The following TET2 variants were observed in gnomAD, a reference collection of about 807,000 sequenced individuals.
TET2 encodes tet methylcytosine dioxygenase 2.
Under a neutral mutation model 142.9 loss-of-function variants are expected in TET2, and 299 were observed. The ratio of observed to expected loss-of-function variants is 2.09; its 90% CI spans 1.90 to 2.30. The LOEUF (loss-of-function observed/expected upper bound fraction) is 2.30, where lower values mean the gene tolerates loss of function less well. Among genes scored for constraint, TET2 ranks in the 30% most tolerant of loss-of-function variants. The pLI, the probability that TET2 is intolerant of heterozygous loss-of-function variation, is 0.00. For missense variants in TET2, 2,418 were observed against 2,378.0 expected (o/e 1.02, Z -0.35); for synonymous variants, 819 against 849.0 (o/e 0.96, Z 0.61).
At position 105,275,339 on chromosome 4, in the gene TET2, ATTCT is replaced by A; in HGVS notation, c.4831_4834del (p.Ser1611LeufsTer4). 1 of 1,551,802 alleles carries A rather than the reference ATTCT, an allele frequency of 6.4e-7. No homozygotes were observed. The highest frequency in any genetic ancestry group is 8.7e-7 in the Non-Finnish European group (1 of 1,146,986). On this transcript the variant is annotated frameshift_variant, in exon 11 of 11. Coordinates refer to ENST00000380013, the MANE Select transcript of TET2 (RefSeq NM_001127208.3). LOFTEE classifies it low-confidence loss of function (END_TRUNC). ...TCTCAAGCTGCAGGTTCATATTTGAATTCTTCTAATCCCATGAACCCTTACCCTG... is the reference window on the plus strand; with the variant it reads ...TCTCAAGCTGCAGGTTCATATTTGAATCTAATCCCATGAACCCTTACCCTG...
At chr4:105,189,560 C>T (rs1008273009) in intron 1 of TET2, among the ~76,000 whole-genome samples, 3 of 152,158 alleles carry the variant, frequency 2.0e-5, no homozygotes, top group Admixed American at 6.5e-5. Flanking sequence ...CTCCCCATTC[C>T]TCTTTTCTCT....
At chr4:105,173,000 G>C (rs1326044097) in intron 1 of TET2, among the ~76,000 whole-genome samples, 3 of 152,048 alleles carry the variant, frequency 2.0e-5, no homozygotes, top group Admixed American at 1.3e-4. Context: ...AAGCAAATTA[G>C]TTTTATTTTT....
rs1731251658 is a variant in TET2, at chr4:105,276,846, C to CCT, written c.*328_*329insTC. On this transcript the variant is annotated 3_prime_UTR_variant, in exon 11 of 11. Transcript: ENST00000380013. The stretch of plus-strand genomic sequence containing the variant: ...ATGATATGTAAATGTGATCCCCCCC[C>CCT]CCCGCTTACAACTCTACACATCTGT... The CCT allele has an allele frequency of 4.6e-6, 1 of 215,324 alleles. No individual in the cohort carries two copies. The highest frequency in any genetic ancestry group is 5.8e-5 in the Admixed American group (1 of 17,318). 13.3% of individuals were successfully genotyped at this position (215,324 alleles called of 1,614,324 possible).
chr4:105,232,577 TAG>T (rs1258590035), intron 2 of TET2, among the ~76,000 whole-genome samples: 1 of 152,176 alleles, frequency 6.6e-6, no homozygotes, highest in African/African-American at 2.4e-5. Context: ...GAGGCAGGTT[TAG>T]AGTCATTGGG....
chr4:105,200,326 C>T (rs1487052118), intron 2 of TET2, among the ~76,000 whole-genome samples: 1 of 151,956 alleles, frequency 6.6e-6, no homozygotes, highest in Non-Finnish European at 1.5e-5. Context: ...GTTTGTTGGC[C>T]GCATGTATGT....
chr4:105,259,633 G>C lies in TET2; in HGVS notation c.3818G>C (p.Cys1273Ser). 1.3e-6 allele frequency: 2 copies of C among 1,550,924 alleles called. No individual in the cohort carries two copies. Among genetic ancestry groups the C allele is most frequent in the Non-Finnish European group, 1.7e-6 (2 of 1,146,412 alleles). Residue 1273 changes from cysteine (C) to serine (S), a missense_variant, in exon 7 of 11, where the codon TGT (cysteine) becomes TCT (serine). Physicochemically the swap from Cys to Ser is moderately radical, Grantham distance 112. Transcript: ENST00000380013. ...TGATTTTTCAGGAGAACTTGCGCCT[G>C]TCAGGGGCTGGATCCAGAAACCTGT... ...CALNEERTCA[C>S]QGLDPETCGA... is the part of the protein sequence containing the mutation.
intron 2 of TET2, among the ~76,000 whole-genome samples, chr4:105,224,799 G>A (rs1299545207): frequency 6.7e-6 from 1 of 148,594 alleles, no homozygotes; most frequent in Non-Finnish European, 1.5e-5. Flanking sequence ...ATTGTTGCAT[G>A]TTTCTATTTA....
chr4:105,244,715 C>G (rs578038657), intron 6 of TET2, among the ~76,000 whole-genome samples: 2 of 151,184 alleles, frequency 1.3e-5, no homozygotes, highest in Non-Finnish European at 2.9e-5. Context: ...CCTGCCTCAG[C>G]CTCCCTAGTA....
At chr4:105,226,077 C>CT (rs34407189) in intron 2 of TET2, among the ~76,000 whole-genome samples, 123,813 of 152,102 alleles carry the variant, frequency 0.81, 51,083 homozygotes, top group African/African-American at 0.94. Context: ...AGCCAAAATA[C>CT]TTGTTTTTTA....
Position 105,235,840 on chromosome 4 carries a change from TG to T in TET2, c.1899del (p.Met633IlefsTer6). Reference protein sequence around the residue: ...KTTQLEHKSQMYQVEMNQGQS... With the variant: ...KTTQLEHKSQXYQVEMNQGQS... ...ACACAGCTGGAGCACAAGTCACAAA[TG>T]TACCAAGTTGAAATGAATCAAGGGC... On this transcript the variant is annotated frameshift_variant, in exon 3 of 11. Transcript: ENST00000380013. LOFTEE classifies it high-confidence loss of function. The T allele has an allele frequency of 6.2e-7, 1 of 1,613,946 alleles. No homozygotes were observed. The highest frequency in any genetic ancestry group is 8.5e-7 in the Non-Finnish European group (1 of 1,179,960).
At chr4:105,191,344 C>G (rs1725775417) in intron 2 of TET2, among the ~76,000 whole-genome samples, 2 of 152,100 alleles carry the variant, frequency 1.3e-5, no homozygotes, top group Non-Finnish European at 2.9e-5. Flanking sequence ...CTCATATATG[C>G]ATGTATAGAA....
chr4:105,245,809 A>G (rs1436353997), intron 6 of TET2, among the ~76,000 whole-genome samples: 1 of 152,242 alleles, frequency 6.6e-6, no homozygotes, highest in Non-Finnish European at 1.5e-5. Context: ...AAAGCATAAT[A>G]TCTCTTAGAC....
At chr4:105,241,665 A>G in intron 4 of TET2, 1 of 1,282,460 alleles carries the variant, frequency 7.8e-7, no homozygotes, top group Non-Finnish European at 9.9e-7. Flanking sequence ...GATGGATGCC[A>G]GAAAACCCAG....
chr4:105,231,981 G>T (rs1182925834), intron 2 of TET2, among the ~76,000 whole-genome samples: 1 of 152,138 alleles, frequency 6.6e-6, no homozygotes, highest in Non-Finnish European at 1.5e-5. Context: ...TGTCACCCAG[G>T]TAATAAGCGT....
At chr4:105,261,897 T>G in intron 8 of TET2, 49 bp downstream of exon 8, 1 of 1,062,660 alleles carries the variant, frequency 9.4e-7, no homozygotes, top group East Asian at 2.6e-5. Context: ...TACTTGTTAC[T>G]AATGACCTAT....
chr4:105,193,397 A>G (rs906039382), intron 2 of TET2, among the ~76,000 whole-genome samples: 7 of 152,198 alleles, frequency 4.6e-5, no homozygotes, highest in African/African-American at 4.8e-5. Context: ...GTAAAATCCT[A>G]AAGTCAAGCT....
intron 6 of TET2, among the ~76,000 whole-genome samples, chr4:105,257,278 AAAAT>A (rs1370455856): frequency 1.3e-5 from 2 of 152,202 alleles, no homozygotes; most frequent in East Asian, 1.9e-4. Context: ...TACAAAAATA[AAAAT>A]AAATAAAATA....
At chr4:105,172,696 T>C (rs1724543453) in intron 1 of TET2, 1 of 152,264 alleles carries the variant, frequency 6.6e-6, no homozygotes, top group Admixed American at 6.5e-5. Context: ...GAGAAACATT[T>C]CAGAACTATG....
chr4:105,173,862 A>C (rs1391661555), intron 1 of TET2, among the ~76,000 whole-genome samples: 2 of 152,172 alleles, frequency 1.3e-5, no homozygotes, highest in Non-Finnish European at 2.9e-5. Context: ...GGTTGAGAAA[A>C]ATCTTGAGAC....
Sources: gnomAD v4.1 joint callset for allele counts (sites outside exome capture counted in the v4.1 genomes callset) on GRCh38, gnomAD v4.1.1 for gene constraint, MANE v1.5 for transcripts, NCBI Gene and HGNC (gene_info 2026-07-23, HGNC 2026-07-21) for gene names.